The following HMCN1 variants were observed in gnomAD, a reference collection of about 807,000 sequenced individuals.
HMCN1 encodes the protein hemicentin-1.
Under a neutral mutation model 625.9 loss-of-function variants are expected in HMCN1, and 321 were observed. The ratio of observed to expected loss-of-function variants is 0.51; its 90% CI spans 0.47 to 0.56. The LOEUF is 0.56. Among genes scored for constraint, HMCN1 ranks in the 20% least tolerant of loss-of-function variants. The probability of loss-of-function intolerance (pLI) is 0.00; values close to 1 mark genes in which losing one functional copy is unlikely to be tolerated. For missense variants in HMCN1, 6,588 were observed against 6,887.3 expected (o/e 0.96, Z 1.54); for synonymous variants, 2,425 against 2,417.6 (o/e 1.00, Z -0.09).
At chr1:185,785,316 G>C (rs1391395378) in intron 1 of HMCN1, among the ~76,000 whole-genome samples, 1 of 152,150 alleles carries the variant, frequency 6.6e-6, no homozygotes, top group Non-Finnish European at 1.5e-5. Flanking sequence ...TGTAGGAGTA[G>C]GATGTGTTTG....
At chr1:185,895,452 C>T (rs1571521345) in intron 4 of HMCN1, among the ~76,000 whole-genome samples, 1 of 152,178 alleles carries the variant, frequency 6.6e-6, no homozygotes, top group East Asian at 1.9e-4. Context: ...CTTACTGAAT[C>T]ATAAAGCTGT....
In HMCN1 at chr1:185,981,050, C is replaced by T; in HGVS notation, c.2639C>T (p.Thr880Ile). 1 of 1,607,862 alleles carries T rather than the reference C, an allele frequency of 6.2e-7. No individual in the cohort carries two copies. Among genetic ancestry groups the T allele is most frequent in the Non-Finnish European group, 8.5e-7 (1 of 1,174,448 alleles). The change falls in exon 17 of 107, where the codon ACA (threonine) becomes ATA (isoleucine). Residue 880 changes from threonine (T) to isoleucine (I), a missense_variant. Around this residue, in one of 3 missense-constraint regions of HMCN1, gnomAD observed 4,628 missense variants for 4,853.1 expected, o/e 0.95. Transcript: ENST00000271588. The stretch of plus-strand genomic sequence containing the variant: ...CAGTTTGGAAAGATCCAGTCAGAGA[C>T]AACAGTAACAGTGACCGGACTTGGT... ...ENQFGKIQSETTVTVTGLVAP... is the reference protein window; with the variant it reads ...ENQFGKIQSEITVTVTGLVAP...
At chr1:186,031,289 G>A (rs965052586) in intron 36 of HMCN1, among the ~76,000 whole-genome samples, 1 of 151,990 alleles carries the variant, frequency 6.6e-6, no homozygotes. Flanking sequence ...TTCTGGATAT[G>A]AAATTCTTGG....
chr1:186,061,494 A>T (rs1657695738), intron 46 of HMCN1, among the ~76,000 whole-genome samples: 1 of 152,120 alleles, frequency 6.6e-6, no homozygotes. Flanking sequence ...ATTCGAGATG[A>T]GGTTTGGGTG....
chr1:186,108,709 T>A, intron 71 of HMCN1, 112 bp downstream of exon 71: 1 of 1,202,604 alleles, frequency 8.3e-7, no homozygotes, highest in Non-Finnish European at 1.2e-6. Flanking sequence ...GGCTACTAAT[T>A]ATTCAACATT....
At chr1:185,829,907 T>G (rs927487431) in intron 1 of HMCN1, among the ~76,000 whole-genome samples, 3 of 152,190 alleles carry the variant, frequency 2.0e-5, no homozygotes, top group African/African-American at 7.2e-5. Context: ...TGCCAGAATC[T>G]ATTGTTTCCT....
chr1:185,789,741 G>A (rs1198952001), intron 1 of HMCN1, among the ~76,000 whole-genome samples: 1 of 152,162 alleles, frequency 6.6e-6, no homozygotes, highest in East Asian at 1.9e-4. Flanking sequence ...TCTTTCTAGT[G>A]CCTCTGCCTT....
intron 29 of HMCN1, among the ~76,000 whole-genome samples, chr1:186,005,106 T>C (rs1322582741): frequency 6.7e-6 from 1 of 150,172 alleles, no homozygotes; most frequent in Non-Finnish European, 1.5e-5. Flanking sequence ...TTGTTTAAAT[T>C]GTTTATAAAT....
chr1:185,808,172 G>A (rs1413994231), intron 1 of HMCN1, among the ~76,000 whole-genome samples: 1 of 151,602 alleles, frequency 6.6e-6, no homozygotes, highest in Non-Finnish European at 1.5e-5. Context: ...ATGGCGAAAC[G>A]CTGTCTTTAT....
At chr1:186,009,875 G>A (rs183163391) in intron 30 of HMCN1, among the ~76,000 whole-genome samples, 2 of 152,214 alleles carry the variant, frequency 1.3e-5, no homozygotes, top group African/African-American at 2.4e-5. Context: ...CCCTAAGTCA[G>A]CAGTCCCCAA....
chr1:186,011,923 T>G (rs1164946132), intron 30 of HMCN1, among the ~76,000 whole-genome samples: 2 of 152,094 alleles, frequency 1.3e-5, no homozygotes, highest in Non-Finnish European at 2.9e-5. Context: ...TTCTTTTCAT[T>G]CAGAAAGAAG....
rs183265819 is a variant in HMCN1 at position 185,913,323 on chromosome 1, C to T, written c.900+1543C>T. 9.2e-5 allele frequency among the ~76,000 whole-genome samples: 14 copies of T among 152,106 alleles called. No homozygotes were observed. The East Asian group carries it at 2.1e-3, about 23-fold the overall frequency. Reference sequence around the variant, plus strand: ...GTATTTATTGAGTGTATTAGATTGACGAGTTGTTTTGCTGCTACAATATTT... The same window carrying T: ...GTATTTATTGAGTGTATTAGATTGATGAGTTGTTTTGCTGCTACAATATTT... On this transcript the variant is annotated intron_variant, in intron 6 of 106. Transcript: ENST00000271588.
chr1:186,068,047 C>T (rs754686514), intron 50 of HMCN1, 40 bp downstream of exon 50: 4 of 1,509,072 alleles, frequency 2.7e-6, no homozygotes, highest in Non-Finnish European at 3.7e-6. Flanking sequence ...GCATCTGCGT[C>T]ATCTACTATT....
chr1:185,983,173 A>G (rs1458626714), intron 18 of HMCN1, among the ~76,000 whole-genome samples: 1 of 152,094 alleles, frequency 6.6e-6, no homozygotes, highest in Admixed American at 6.6e-5. Context: ...TTCGGTGTAA[A>G]ATTTTTTTTA....
intron 6 of HMCN1, among the ~76,000 whole-genome samples, chr1:185,921,781 C>T (rs887499705): frequency 1.3e-5 from 2 of 152,142 alleles, no homozygotes; most frequent in African/African-American, 4.8e-5. Context: ...ATGCAAATTC[C>T]TAGACTGCCC....
intron 11 of HMCN1, among the ~76,000 whole-genome samples, chr1:185,939,751 C>A (rs1397091371): frequency 6.6e-6 from 1 of 151,836 alleles, no homozygotes; most frequent in Non-Finnish European, 1.5e-5. Context: ...TGTGCCTTAT[C>A]GCTTTCATAT....
At chr1:185,888,754 C>A (rs1222450968) in intron 4 of HMCN1, among the ~76,000 whole-genome samples, 1 of 145,962 alleles carries the variant, frequency 6.9e-6, no homozygotes, top group African/African-American at 2.8e-5. Flanking sequence ...ATGCCTCCAG[C>A]TTTGTTCTTT....
intron 102 of HMCN1, 106 bp from the exon 103 acceptor site, chr1:186,174,408 G>C (rs1196669022): frequency 3.8e-6 from 5 of 1,328,532 alleles, no homozygotes; most frequent in Non-Finnish European, 5.4e-6. Context: ...TCAACCACTT[G>C]GTGAGAAATG....
intron 1 of HMCN1, among the ~76,000 whole-genome samples, chr1:185,750,185 A>G (rs1654701946): frequency 6.6e-6 from 1 of 152,204 alleles, no homozygotes; most frequent in Non-Finnish European, 1.5e-5. Context: ...TATTTGGTAG[A>G]GCCTCATGTA....
Sources: gnomAD v4.1 joint callset for allele counts (sites outside exome capture counted in the v4.1 genomes callset) on GRCh38, gnomAD v4.1.1 for gene constraint, gnomAD v4.1.1 regional missense constraint, MANE v1.5 for transcripts, NCBI Gene and HGNC (gene_info 2026-07-23, HGNC 2026-07-21) for gene names.